The following NOL8 variants were observed in gnomAD, a reference collection of about 807,000 sequenced individuals.
NOL8 encodes the protein nucleolar protein Nop132.
In NOL8, 93 loss-of-function variants were observed where a neutral mutation model predicts 116.1. The ratio of observed to expected loss-of-function variants is 0.80; its 90% CI spans 0.68 to 0.95. NOL8 has a LOEUF of 0.95. Ranked by LOEUF, NOL8 falls within the 40% of genes least tolerant of loss-of-function variation. The pLI, the probability that NOL8 is intolerant of heterozygous loss-of-function variation, is 0.00. For missense variants in NOL8, 1,291 were observed against 1,382.8 expected (o/e 0.93, Z 1.05); for synonymous variants, 419 against 469.0 (o/e 0.89, Z 1.38).
Position 92,300,004 on chromosome 9 carries a change from A to G in NOL8, c.3188T>C (p.Val1063Ala), listed in dbSNP as rs748292287. Residue 1063 changes from valine (V) to alanine (A), a missense_variant, in exon 14 of 17, where the codon GTT becomes GCT. Coordinates refer to ENST00000442668, the MANE Select transcript of NOL8 (RefSeq NM_017948.6). ...AATCTTTCCAGGTTTCACTGTTTCA[A>G]CTCTGTAGGTCTCTATATCGTTATG... Reference protein sequence around the residue: ...TKDIKEETYRVETVKPGKIVW... With the variant: ...TKDIKEETYRAETVKPGKIVW... 1.9e-6 allele frequency: 3 copies of G among 1,613,138 alleles called. No homozygotes were observed. In the South Asian group the frequency reaches 3.3e-5, roughly 18 times the overall value.
At chr9:92,319,412 G>T in intron 4 of NOL8, 56 bp from the exon 5 acceptor site, 1 of 1,465,794 alleles carries the variant, frequency 6.8e-7, no homozygotes, top group Non-Finnish European at 9.0e-7. Flanking sequence ...CACGTAAAAT[G>T]GTTATTTCAC....
At chr9:92,307,565 A>G (rs1221844718) in intron 10 of NOL8, among the ~76,000 whole-genome samples, 1 of 152,218 alleles carries the variant, frequency 6.6e-6, no homozygotes, top group African/African-American at 2.4e-5. Context: ...TACTATCCTC[A>G]ACTACTACAA....
At chr9:92,319,169 G>T (rs1839692582) in intron 5 of NOL8, 52 bp downstream of exon 5, 5 of 1,471,054 alleles carry the variant, frequency 3.4e-6, no homozygotes, top group Non-Finnish European at 4.5e-6. Flanking sequence ...CGTGATCTCA[G>T]GCATCAGTTT....
At position 92,323,648 on chromosome 9, in the gene NOL8, C is replaced by CT. The variant is rs2130748676; in HGVS notation, c.140-146dup. On this transcript the variant is annotated intron_variant, in intron 2 of 16. Coordinates refer to ENST00000442668, the MANE Select transcript of NOL8 (RefSeq NM_017948.6). ...AAAGATAAACCTTGTTTTTTATTGGCTATAAAAATAAGCATAATTATCAAA... is the reference window on the plus strand; with the variant it reads ...AAAGATAAACCTTGTTTTTTATTGGCTTATAAAAATAAGCATAATTATCAAA... 15 of 629,468 alleles carry CT rather than the reference C, an allele frequency of 2.4e-5. No homozygotes were observed. In the South Asian group the frequency reaches 4.1e-4, roughly 17 times the overall value. The allele number at this position is 629,468 out of a possible 1,614,324, so 39.0% of individuals were successfully genotyped here.
chr9:92,323,180 G>C, intron 3 of NOL8: 2 of 748,476 alleles, frequency 2.7e-6, no homozygotes, highest in Non-Finnish European at 4.0e-6. Flanking sequence ...CAGTTTCTAT[G>C]AAAGTTTGGT....
intron 11 of NOL8, 82 bp downstream of exon 11, chr9:92,306,804 G>A: frequency 7.3e-7 from 1 of 1,372,340 alleles, no homozygotes; most frequent in Non-Finnish European, 1.0e-6. Flanking sequence ...GCCATTAAAA[G>A]AGACCTAGTT....
chr9:92,315,780 G>C lies in NOL8; in HGVS notation c.845C>G (p.Pro282Arg). The stretch of plus-strand genomic sequence containing the variant: ...AGTTTCCAAGCCAGAAGTCTTAAAA[G>C]GTAGATTTTTAAGTTTCTGAGTATC... ...VSDTQKLKNL[P>R]FKTSGLETAK... is the part of the protein sequence containing the mutation. The change falls in exon 7 of 17, where the codon CCT (proline) becomes CGT (arginine). Residue 282 changes from proline (P) to arginine (R), a missense_variant. Transcript: ENST00000442668. The C allele has an allele frequency of 6.2e-7, 1 of 1,613,630 alleles. No homozygotes were observed. Among genetic ancestry groups the C allele is most frequent in the South Asian group, 1.1e-5 (1 of 91,042 alleles).
intron 12 of NOL8, among the ~76,000 whole-genome samples, chr9:92,303,374 A>G (rs1000640533): frequency 5.9e-5 from 9 of 152,162 alleles, no homozygotes; most frequent in Admixed American, 1.3e-4. Context: ...TGATAGGGGG[A>G]AAAACAAACA....
Position 92,314,603 on chromosome 9 carries a change from C to T in NOL8, c.2022G>A (p.Arg674=). Residue 674 remains arginine, a synonymous_variant, in exon 7 of 17, where the codon AGG becomes AGA. Coordinates refer to ENST00000442668, the MANE Select transcript of NOL8 (RefSeq NM_017948.6). ...TTAAGGACTTCTTACCTTCTAATGG[C>T]CTAGAAATAGGATTCTTACTTCTCT... ...SEKRSKNPIS[R]PLEGKKSLSL... is the part of the protein sequence containing the mutation. 1 of 1,612,678 alleles carries T rather than the reference C, an allele frequency of 6.2e-7. No homozygotes were observed. The highest frequency in any genetic ancestry group is 8.5e-7 in the Non-Finnish European group (1 of 1,179,236).
intron 15 of NOL8, 171 bp downstream of exon 15, chr9:92,298,706 AAGTGGTG>A (rs971249489): frequency 2.1e-5 from 10 of 483,860 alleles, no homozygotes; most frequent in Non-Finnish European, 3.6e-5. Flanking sequence ...CGGGCAAAGA[AAGTGGTG>A]AGTGGGGAGC....
At chr9:92,319,071 C>T (rs1564241572) in intron 5 of NOL8, 150 bp downstream of exon 5, 3 of 765,550 alleles carry the variant, frequency 3.9e-6, no homozygotes, top group Non-Finnish European at 5.8e-6. Context: ...TGTAAATGCA[C>T]CTTGAAAATC....
chr9:92,300,493 G>C, intron 13 of NOL8: 1 of 990,304 alleles, frequency 1.0e-6, no homozygotes, highest in Non-Finnish European at 1.2e-6. Flanking sequence ...ATAAGATCAG[G>C]ACAATCACCT....
intron 3 of NOL8, 23 bp downstream of exon 3, chr9:92,323,418 T>C (rs780594607): frequency 1.1e-5 from 17 of 1,584,974 alleles, no homozygotes; most frequent in South Asian, 2.3e-5. Context: ...GCAAACAGTA[T>C]AGAAAATATA....
rs1837761727 is a variant in NOL8 at position 92,301,710 on chromosome 9, A to AAT, written c.3015_3016insAT (p.Tyr1006IlefsTer30). ...GTGCCCTCTTCCTTTTCACTGGTAT[A>AAT]TTTTGTAGTTTGGAATATTTCTTTC... On this transcript the variant is annotated frameshift_variant, in exon 13 of 17. Transcript: ENST00000442668. LOFTEE classifies it high-confidence loss of function. 1.2e-6 allele frequency: 2 copies of AAT among 1,608,508 alleles called. No individual in the cohort carries two copies. Among genetic ancestry groups the AAT allele is most frequent in the Non-Finnish European group, 1.7e-6 (2 of 1,178,368 alleles).
At chr9:92,320,365 G>C in intron 4 of NOL8, 1 of 334,734 alleles carries the variant, frequency 3.0e-6, no homozygotes, top group Non-Finnish European at 5.9e-6. Flanking sequence ...CCTGTACACA[G>C]TAGGCTGGCA....
Position 92,315,988 on chromosome 9 carries a change from A to G in NOL8, c.637T>C (p.Phe213Leu). The G allele has an allele frequency of 6.2e-7, 1 of 1,613,948 alleles. No homozygotes were observed. The highest frequency in any genetic ancestry group is 1.7e-5 in the Admixed American group (1 of 60,004). Reference sequence around the variant, plus strand: ...ATTATCTTCTTGGGAGGGCCATGAAAGTCAGAGAACTCTCCTCGCCGTTTC... The same window carrying G: ...ATTATCTTCTTGGGAGGGCCATGAAGGTCAGAGAACTCTCCTCGCCGTTTC... ...SKKRRGEFSD[F>L]HGPPKKIIKV... The change falls in exon 7 of 17, where the codon TTT becomes CTT. Residue 213 changes from phenylalanine (F) to leucine (L), a missense_variant. Phe to Leu is a conservative substitution (Grantham distance 22). Coordinates refer to ENST00000442668, the MANE Select transcript of NOL8 (RefSeq NM_017948.6).
rs894093574 is a variant in NOL8 at position 92,297,860 on chromosome 9, T to C, written c.3480A>G (p.Ala1160=). The change falls in exon 17 of 17, where the codon GCA becomes GCG. Residue 1160 remains alanine, a synonymous_variant. Transcript: ENST00000442668. The part of the protein sequence containing the change: ...RMDCRKKHKD[A]KRKMKPK ...ATTATTTTGGTTTCATTTTCCTTTTTGCGTCTTTATGTTTCTTTCGACAAT... is the reference window on the plus strand; with the variant it reads ...ATTATTTTGGTTTCATTTTCCTTTTCGCGTCTTTATGTTTCTTTCGACAAT... 9.3e-5 allele frequency: 144 copies of C among 1,549,866 alleles called. 2 individuals carry two copies. In the Admixed American group the frequency reaches 2.8e-3, roughly 30 times the overall value.
In NOL8 at chr9:92,318,701, A is replaced by G; in HGVS notation, c.418-15T>C. 2 of 1,536,060 alleles carry G rather than the reference A, an allele frequency of 1.3e-6. No individual in the cohort carries two copies. Among genetic ancestry groups the G allele is most frequent in the Non-Finnish European group, 1.8e-6 (2 of 1,133,824 alleles). ...ACAACCCAATTCTAAAAGAAAAAAA[A>G]AGAATTTATTTACTATATGTGACAC... On this transcript the variant is annotated splice_polypyrimidine_tract_variant and intron_variant, in intron 5 of 16. Transcript: ENST00000442668.
chr9:92,319,350 G>T lies in NOL8; in HGVS notation c.288C>A (p.Ala96=). 1.3e-6 allele frequency: 2 copies of T among 1,551,876 alleles called. No homozygotes were observed. Among genetic ancestry groups the T allele is most frequent in the Non-Finnish European group, 1.7e-6 (2 of 1,158,376 alleles). Residue 96 remains alanine, a synonymous_variant, in exon 5 of 17, where the codon GCC becomes GCA. Transcript: ENST00000442668. The stretch of plus-strand genomic sequence containing the variant: ...TAGCTTTTGCTGCTTCTCTCTCTTG[G>T]GCCAATCTGAATCAAAAAGAAAATA... The part of the protein sequence containing the change: ...LAKESFLHRL[A]QEREAAKAKK...
Sources: allele counts gnomAD v4.1 joint callset (sites outside exome capture counted in the v4.1 genomes callset), GRCh38; gene constraint gnomAD v4.1.1; transcripts MANE v1.5; gene names NCBI Gene and HGNC (gene_info 2026-07-23, HGNC 2026-07-21).